Variants in TSPEAR observed in about 807,000 individuals in gnomAD.
TSPEAR encodes the protein thrombospondin type laminin G domain and EAR repeats, also known as thrombospondin-type laminin G domain and EAR repeat-containing protein.
Under a neutral mutation model 71.6 loss-of-function variants are expected in TSPEAR, and 69 were observed. The observed-to-expected ratio is 0.96, with a 90% CI of 0.79 to 1.18. The LOEUF (loss-of-function observed/expected upper bound fraction) is 1.18, where lower values mean the gene tolerates loss of function less well. Ranked by LOEUF, TSPEAR falls within the 50% of genes most tolerant of loss-of-function variation. The pLI is 0.00. For synonymous variants in TSPEAR, 402 were observed against 387.2 expected, an observed-to-expected ratio of 1.04 and a Z score of -0.45; for missense variants, 971 against 894.9, an observed-to-expected ratio of 1.09 and a Z score of -1.09.
chr21:44,503,824 C>A (rs1423802778), intron 11 of TSPEAR, among the ~76,000 whole-genome samples: 1 of 138,348 alleles, frequency 7.2e-6, no homozygotes, highest in South Asian at 2.3e-4. Flanking sequence ...GGAAGCAAGG[C>A]GCTGGGAGGA....
intron 2 of TSPEAR, chr21:44,539,648 C>T: frequency 6.3e-7 from 1 of 1,596,140 alleles, no homozygotes; most frequent in South Asian, 1.1e-5. Context: ...TGGATGGCAG[C>T]TAGACTGCTG....
intron 9 of TSPEAR, among the ~76,000 whole-genome samples, chr21:44,510,340 C>A (rs1417733105): frequency 1.3e-5 from 2 of 152,202 alleles, no homozygotes; most frequent in Non-Finnish European, 2.9e-5. Flanking sequence ...TGACTCACCC[C>A]CGTCCGGAGG....
chr21:44,558,111 G>T (rs201358935), intron 2 of TSPEAR: 1 of 1,611,672 alleles, frequency 6.2e-7, no homozygotes, highest in East Asian at 2.2e-5. Context: ...GCGGGAGCAC[G>T]TGGGGCGGCA....
intron 1 of TSPEAR, chr21:44,579,597 C>A (rs368206156): frequency 2.3e-6 from 2 of 868,596 alleles, no homozygotes; most frequent in Non-Finnish European, 1.7e-6. Context: ...GAGGCAGGAG[C>A]TGGGGAGCTT....
chr21:44,645,730 A>G (rs1160919405), intron 1 of TSPEAR, among the ~76,000 whole-genome samples: 3 of 152,158 alleles, frequency 2.0e-5, no homozygotes, highest in Non-Finnish European at 4.4e-5. Context: ...ATGTTTTAAG[A>G]TGCTAAAAGT....
intron 1 of TSPEAR, among the ~76,000 whole-genome samples, chr21:44,634,184 G>A (rs990267908): frequency 2.0e-5 from 3 of 152,150 alleles, no homozygotes; most frequent in Non-Finnish European, 4.4e-5. Flanking sequence ...AGGAGTTTGA[G>A]GCTGCAATGA....
At chr21:44,607,707 G>A (rs149391083) in intron 1 of TSPEAR, among the ~76,000 whole-genome samples, 38 of 152,034 alleles carry the variant, frequency 2.5e-4, no homozygotes, top group Non-Finnish European at 4.4e-4. Flanking sequence ...GACCAATACC[G>A]AGTGTCAGCA....
At position 44,499,529 on chromosome 21, in the gene TSPEAR, C is replaced by T. The variant is rs891689242; in HGVS notation, c.*254G>A. 20 of 477,230 alleles carry T rather than the reference C, an allele frequency of 4.2e-5. No individual in the cohort carries two copies. In the South Asian group the frequency reaches 4.7e-4, roughly 11 times the overall value. 29.6% of individuals were successfully genotyped at this position (477,230 alleles called of 1,614,324 possible). A position where few individuals can be genotyped will look rare whatever the true frequency, so the allele number is the denominator to read the frequency against. ...AATCCCCGCTTGACACTCAGATGGG[C>T]GAGCACTGGCAGGGGCTCTGGGCCT... On this transcript the variant is annotated 3_prime_UTR_variant, in exon 12 of 12. Coordinates refer to ENST00000323084, the MANE Select transcript of TSPEAR (RefSeq NM_144991.3).
rs556124019 is a variant in TSPEAR, at chr21:44,684,931, T to G, written c.82+26502A>C. Among the ~76,000 whole-genome samples, 18 of 152,306 alleles carry G rather than the reference T, an allele frequency of 1.2e-4. No individual in the cohort carries two copies. In the East Asian group the frequency reaches 3.5e-3, roughly 29 times the overall value. ...CCCCAATTCTCTTGGTTTTTAAGTG[T>G]GATTCTGAACTATAGCAGTGAAAGG... On this transcript the variant is annotated intron_variant, in intron 1 of 11. Coordinates refer to ENST00000323084, the MANE Select transcript of TSPEAR (RefSeq NM_144991.3).
At chr21:44,628,284 G>C in intron 1 of TSPEAR, 1 of 394,306 alleles carries the variant, frequency 2.5e-6, no homozygotes, top group Non-Finnish European at 4.7e-6. Flanking sequence ...ACCCTCCGCT[G>C]GTCGCTGGTT....
intron 1 of TSPEAR, among the ~76,000 whole-genome samples, chr21:44,694,431 A>T (rs1183874118): frequency 6.6e-6 from 1 of 152,154 alleles, no homozygotes; most frequent in African/African-American, 2.4e-5. Context: ...TGGGGAGTGA[A>T]TGTTTAATGG....
In TSPEAR at chr21:44,575,250, C is replaced by T. The variant is rs71322577; in HGVS notation, c.83-7245G>A. 1.0e-3 allele frequency: 600 copies of T among 584,606 alleles called. 1 individual carries two copies. The highest frequency in any genetic ancestry group is 1.6e-3 in the Non-Finnish European group (498 of 320,910). The allele number at this position is 584,606 out of a possible 1,614,324, so 36.2% of individuals were successfully genotyped here. On this transcript the variant is annotated intron_variant, in intron 1 of 11. Coordinates refer to ENST00000323084, the MANE Select transcript of TSPEAR (RefSeq NM_144991.3). ...GGCCTCCCCTCCATATCTCCCACCT[C>T]TCATGAGGGTCAGTTCAGCCTTGAC...
chr21:44,679,087 G>C (rs1349111251), intron 1 of TSPEAR, among the ~76,000 whole-genome samples: 6 of 152,110 alleles, frequency 3.9e-5, no homozygotes, highest in Non-Finnish European at 5.9e-5. Flanking sequence ...TGGTATATAA[G>C]CCTTGGGTCT....
chr21:44,619,592 C>T (rs1337631340), intron 1 of TSPEAR, among the ~76,000 whole-genome samples: 1 of 152,174 alleles, frequency 6.6e-6, no homozygotes, highest in Admixed American at 6.5e-5. Context: ...AATACAATCA[C>T]AGACAATGAA....
intron 1 of TSPEAR, among the ~76,000 whole-genome samples, chr21:44,699,410 A>G (rs1256907138): frequency 2.0e-5 from 3 of 148,936 alleles, no homozygotes; most frequent in Non-Finnish European, 4.5e-5. Context: ...GGTTGGGGAA[A>G]GAAAAGGGGT....
chr21:44,619,676 G>C (rs1286930304), intron 1 of TSPEAR, among the ~76,000 whole-genome samples: 1 of 152,150 alleles, frequency 6.6e-6, no homozygotes, highest in African/African-American at 2.4e-5. Context: ...AATTTAAAAA[G>C]AAATTAAATA....
intron 1 of TSPEAR, among the ~76,000 whole-genome samples, chr21:44,635,501 G>A (rs1188089992): frequency 2.0e-5 from 3 of 152,146 alleles, no homozygotes; most frequent in East Asian, 1.9e-4. Flanking sequence ...AAGGAATGGC[G>A]TTCTGAAACA....
At chr21:44,644,708 T>C (rs1984207398) in intron 1 of TSPEAR, among the ~76,000 whole-genome samples, 1 of 152,088 alleles carries the variant, frequency 6.6e-6, no homozygotes, top group Non-Finnish European at 1.5e-5. Context: ...TCAGAGTGAA[T>C]GGATAACATA....
intron 1 of TSPEAR, among the ~76,000 whole-genome samples, chr21:44,615,339 T>A (rs587627475): frequency 9.2e-5 from 14 of 152,176 alleles, no homozygotes; most frequent in African/African-American, 3.1e-4. Flanking sequence ...CGGAAGAGAG[T>A]CCAGGCCGCA....
Sources: gnomAD v4.1 joint callset for allele counts (sites outside exome capture counted in the v4.1 genomes callset) on GRCh38, gnomAD v4.1.1 for gene constraint, MANE v1.5 for transcripts, NCBI Gene and HGNC (gene_info 2026-07-23, HGNC 2026-07-21) for gene names.